Variants in COMMD1 observed in about 807,000 individuals in gnomAD.
COMMD1 encodes the protein copper metabolism domain containing 1, also known as COMM domain-containing protein 1.
In COMMD1, 10 loss-of-function variants were observed where a neutral mutation model predicts 17.2. The ratio of observed to expected loss-of-function variants is 0.58; its 90% confidence interval spans 0.36 to 0.99. The LOEUF is 0.99. Ranked by LOEUF, COMMD1 falls within the 50% of genes least tolerant of loss-of-function variation. The pLI, the probability that COMMD1 is intolerant of heterozygous loss-of-function variation, is 0.01. For synonymous variants in COMMD1, 97 were observed against 91.6 expected (o/e 1.06, Z -0.34); for missense variants, 270 against 231.8 (o/e 1.17, Z -1.07).
At chr2:61,971,412 G>C (rs1481505388) in intron 1 of COMMD1, among the ~76,000 whole-genome samples, 1 of 152,172 alleles carries the variant, frequency 6.6e-6, no homozygotes, top group Non-Finnish European at 1.5e-5. Context: ...AAGGGTGTCT[G>C]TAATGAGCTA....
At chr2:62,035,461 C>A (rs763547430) in intron 2 of COMMD1, among the ~76,000 whole-genome samples, 13 of 152,082 alleles carry the variant, frequency 8.5e-5, no homozygotes, top group Non-Finnish European at 1.5e-4. Context: ...GGTTTTTTGG[C>A]CAGACGTGGT....
At chr2:61,890,843 AAAAAAG>A (rs1485550353) in intron 1 of COMMD1, among the ~76,000 whole-genome samples, 5 of 151,810 alleles carry the variant, frequency 3.3e-5, no homozygotes, top group Admixed American at 1.3e-4. Flanking sequence ...AAAAAAAAAA[AAAAAAG>A]AAGGATATTA....
intron 2 of COMMD1, among the ~76,000 whole-genome samples, chr2:62,067,369 T>C (rs1412064932): frequency 6.6e-6 from 1 of 152,226 alleles, no homozygotes; most frequent in Non-Finnish European, 1.5e-5. Context: ...TATAGTTCAT[T>C]CTAGGTATTT....
intron 2 of COMMD1, among the ~76,000 whole-genome samples, chr2:62,106,706 A>C (rs989010607): frequency 2.6e-5 from 4 of 152,260 alleles, no homozygotes; most frequent in African/African-American, 9.6e-5. Context: ...GCACCAAAAC[A>C]GAGGTCGCAT....
chr2:62,072,884 T>C (rs942655468), intron 2 of COMMD1, among the ~76,000 whole-genome samples: 1 of 152,224 alleles, frequency 6.6e-6, no homozygotes, highest in African/African-American at 2.4e-5. Flanking sequence ...CTGTGCACCA[T>C]GGATGGACCC....
intron 2 of COMMD1, among the ~76,000 whole-genome samples, chr2:62,064,791 T>A (rs1304730547): frequency 6.6e-6 from 1 of 152,206 alleles, no homozygotes; most frequent in African/African-American, 2.4e-5. Context: ...TCTAAATTTT[T>A]AAAAGTTTTT....
Position 61,897,421 on chromosome 2 carries a change from C to T in COMMD1, n.119+8579C>T, listed in dbSNP as rs537654776. 2.6e-5 allele frequency among the ~76,000 whole-genome samples: 4 copies of T among 152,242 alleles called. No homozygotes were observed. The East Asian group carries it at 7.7e-4, about 29-fold the overall frequency. ...TAAGTTGTGTTTTGTTACAGAGCTC[C>T]AGCCAAGAACCCTAAGATGGGAAGG... On this transcript the variant is annotated intron_variant and non_coding_transcript_variant, in intron 1 of 2. Transcript: ENST00000472729.
intron 2 of COMMD1, among the ~76,000 whole-genome samples, chr2:62,004,108 A>G (rs1171848510): frequency 6.6e-6 from 1 of 152,160 alleles, no homozygotes; most frequent in South Asian, 2.1e-4. Context: ...AGCCTTGGTG[A>G]CAGAGTGAGA....
intron 2 of COMMD1, among the ~76,000 whole-genome samples, chr2:62,030,502 T>C (rs756635850): frequency 6.6e-6 from 1 of 152,124 alleles, no homozygotes; most frequent in African/African-American, 2.4e-5. Context: ...CCTCCACCAA[T>C]TGTGACAACC....
intron 1 of COMMD1, among the ~76,000 whole-genome samples, chr2:61,983,979 TCTTC>T: frequency 6.6e-6 from 1 of 152,330 alleles, no homozygotes; most frequent in African/African-American, 2.4e-5. Flanking sequence ...GCTATAAACT[TCTTC>T]CTTAGTACTG....
intron 2 of COMMD1, among the ~76,000 whole-genome samples, chr2:62,044,382 C>T (rs1470239775): frequency 6.6e-6 from 1 of 152,114 alleles, no homozygotes; most frequent in Non-Finnish European, 1.5e-5. Flanking sequence ...CCTAATCTGC[C>T]TCCTGGTTTA....
chr2:62,045,371 T>C (rs919841685), intron 2 of COMMD1, among the ~76,000 whole-genome samples: 4 of 152,148 alleles, frequency 2.6e-5, no homozygotes, highest in African/African-American at 9.7e-5. Context: ...TCTTGTGACC[T>C]CCAGCCACAT....
At chr2:62,068,939 C>A (rs920404635) in intron 2 of COMMD1, among the ~76,000 whole-genome samples, 1 of 151,840 alleles carries the variant, frequency 6.6e-6, no homozygotes, top group African/African-American at 2.4e-5. Flanking sequence ...CCAGGCCTAG[C>A]AGTGGTATTA....
chr2:62,000,921 A>G lies in COMMD1; in HGVS notation c.401A>G (p.His134Arg). The change falls in exon 2 of 3, where the codon CAC becomes CGC. Residue 134 changes from histidine to arginine, a missense_variant. Coordinates refer to ENST00000311832, the MANE Select transcript of COMMD1 (RefSeq NM_152516.4). ...GTTGATGGCAAGTCTCAGTCAAGGC[A>G]CTCAGCTCAAATACACACACCTGTT... ...WRVDGKSQSR[H>R]SAQIHTPVAI... The G allele has an allele frequency of 6.2e-7, 1 of 1,614,170 alleles. No individual in the cohort carries two copies. Among genetic ancestry groups the G allele is most frequent in the Non-Finnish European group, 8.5e-7 (1 of 1,180,022 alleles).
intron 1 of COMMD1, among the ~76,000 whole-genome samples, chr2:61,958,968 G>A (rs576046410): frequency 1.2e-4 from 18 of 152,054 alleles, no homozygotes; most frequent in African/African-American, 1.7e-4. Flanking sequence ...ATTAAAGGCC[G>A]CGAACACTGA....
At chr2:61,963,169 A>AATAT (rs1213442635) in intron 1 of COMMD1, among the ~76,000 whole-genome samples, 13 of 143,566 alleles carry the variant, frequency 9.1e-5, no homozygotes, top group African/African-American at 2.1e-4. Context: ...CAAAAAAAAA[A>AATAT]ATATATATAT....
chr2:62,067,201 G>A (rs929282759), intron 2 of COMMD1, among the ~76,000 whole-genome samples: 25 of 151,460 alleles, frequency 1.7e-4, no homozygotes, highest in African/African-American at 5.8e-4. Flanking sequence ...TTCCACCCTG[G>A]GTGGCAAGAG....
At chr2:61,915,737 C>T (rs1163125551) in intron 1 of COMMD1, 1 of 452,738 alleles carries the variant, frequency 2.2e-6, no homozygotes, top group Non-Finnish European at 4.4e-6. Context: ...GCTTAAGCAA[C>T]CCTCTCTCTT....
intron 1 of COMMD1, among the ~76,000 whole-genome samples, chr2:61,949,996 C>G (rs1292744124): frequency 6.6e-6 from 1 of 152,178 alleles, no homozygotes; most frequent in Non-Finnish European, 1.5e-5. Context: ...ACAAACAGGA[C>G]ACTATGGCTA....
Sources: allele counts gnomAD v4.1 joint callset (sites outside exome capture counted in the v4.1 genomes callset), GRCh38; gene constraint gnomAD v4.1.1; transcripts MANE v1.5; gene names NCBI Gene and HGNC (gene_info 2026-07-23, HGNC 2026-07-21).